The following TNRC6B variants were observed in gnomAD, a reference collection of about 807,000 sequenced individuals.
TNRC6B encodes trinucleotide repeat-containing gene 6B protein.
A neutral mutation model predicts 203.6 loss-of-function variants in TNRC6B; 52 were observed. The ratio of observed to expected loss-of-function variants is 0.26; its 90% CI spans 0.20 to 0.32. TNRC6B has a LOEUF of 0.32. TNRC6B is among the 10% of genes least tolerant of loss of function. The pLI is 1.00. For synonymous variants in TNRC6B, 838 were observed against 845.7 expected (o/e 0.99, Z 0.16); for missense variants, 1,923 against 2,286.2 (o/e 0.84, Z 3.24).
intron 15 of TNRC6B, 94 bp from the exon 16 acceptor site, chr22:40,308,418 C>T (rs1228016574): frequency 1.4e-6 from 2 of 1,423,024 alleles, no homozygotes; most frequent in Non-Finnish European, 2.0e-6. Flanking sequence ...GTGAATTAGT[C>T]TTTGAATGAC....
At chr22:40,282,489 G>T (rs2070731357) in intron 11 of TNRC6B, among the ~76,000 whole-genome samples, 1 of 152,082 alleles carries the variant, frequency 6.6e-6, no homozygotes, top group South Asian at 2.1e-4. Flanking sequence ...TGTTTTGGGG[G>T]TTCTTTTATT....
At chr22:40,107,501 A>C (rs1256436498) in intron 1 of TNRC6B, among the ~76,000 whole-genome samples, 1 of 152,170 alleles carries the variant, frequency 6.6e-6, no homozygotes, top group African/African-American at 2.4e-5. Flanking sequence ...CTTAATGAAT[A>C]TGTTTACTAA....
At chr22:40,152,954 T>C (rs1268415132) in intron 3 of TNRC6B, among the ~76,000 whole-genome samples, 1 of 151,656 alleles carries the variant, frequency 6.6e-6, no homozygotes, top group Admixed American at 6.6e-5. Context: ...TACAAAAAAT[T>C]AGCCAGGTGT....
chr22:40,246,773 C>T (rs966045788), intron 2 of TNRC6B, among the ~76,000 whole-genome samples: 4 of 152,094 alleles, frequency 2.6e-5, no homozygotes, highest in Non-Finnish European at 4.4e-5. Context: ...AGGTTTGCCC[C>T]GGTGTTCTTT....
At chr22:40,141,162 G>GGA (rs993004335) in intron 3 of TNRC6B, among the ~76,000 whole-genome samples, 1 of 147,488 alleles carries the variant, frequency 6.8e-6, no homozygotes, top group Admixed American at 6.8e-5. Context: ...TGAGCACAGT[G>GGA]GAGTTAACTT....
intron 21 of TNRC6B, among the ~76,000 whole-genome samples, chr22:40,318,371 C>T (rs1477014824): frequency 6.6e-6 from 1 of 151,962 alleles, no homozygotes. Flanking sequence ...CATGGTGAAA[C>T]CCCATCTTTA....
At chr22:40,196,305 T>A (rs1056956724) in intron 1 of TNRC6B, among the ~76,000 whole-genome samples, 9 of 150,578 alleles carry the variant, frequency 6.0e-5, no homozygotes, top group African/African-American at 2.2e-4. Context: ...TCCACCACCA[T>A]GCCTGGCTAA....
intron 7 of TNRC6B, among the ~76,000 whole-genome samples, chr22:40,275,645 G>A (rs950605920): frequency 2.0e-5 from 3 of 152,018 alleles, no homozygotes; most frequent in African/African-American, 4.8e-5. Flanking sequence ...CCTCCCTCTA[G>A]TGAGGGCTTT....
In TNRC6B at chr22:40,270,245, A is replaced by G. The variant is rs2070541453; in HGVS notation, c.2930A>G (p.Asn977Ser). The G allele has an allele frequency of 2.0e-6, 3 of 1,494,572 alleles. No homozygotes were observed. The highest frequency in any genetic ancestry group is 2.7e-6 in the Non-Finnish European group (3 of 1,115,706). The allele number at this position is 1,494,572 out of a possible 1,614,324, so 92.6% of individuals were successfully genotyped here. The change falls in exon 6 of 23, where the codon AAC becomes AGC. Residue 977 changes from asparagine (N) to serine (S), a missense_variant. Physicochemically the swap from Asn to Ser is conservative, Grantham distance 46. Around this residue, in one of 8 missense-constraint regions of TNRC6B, gnomAD observed 599 missense variants for 656.5 expected, o/e 0.91. Transcript: ENST00000454349. ...DTGASTTGWG[N>S]TPANAPNAMK... ...GGAGCATCGACCACAGGCTGGGGGA[A>G]CACGCCCGCCAACGCTCCCAATGCC...
At position 40,106,953 on chromosome 22, in the gene TNRC6B, C is replaced by T. The variant is rs933594292; in HGVS notation, c.-120-10102C>T. 3.4e-6 allele frequency: 4 copies of T among 1,180,268 alleles called. No individual in the cohort carries two copies. In the African/African-American group the frequency reaches 4.5e-5, roughly 13 times the overall value. The allele number at this position is 1,180,268 out of a possible 1,614,324, so 73.1% of individuals were successfully genotyped here. A position where few individuals can be genotyped will look rare whatever the true frequency, so the allele number is the denominator to read the frequency against. On this transcript the variant is annotated intron_variant, in intron 1 of 23. Transcript: ENST00000301923. ...CTTGCCCTTTGAAGCATCTTTTGGGCAAACTTCTTTCTCAGGCGCTTGATC... is the reference window on the plus strand; with the variant it reads ...CTTGCCCTTTGAAGCATCTTTTGGGTAAACTTCTTTCTCAGGCGCTTGATC...
intron 1 of TNRC6B, among the ~76,000 whole-genome samples, chr22:40,061,737 A>G (rs1601791805): frequency 6.6e-6 from 1 of 152,004 alleles, no homozygotes; most frequent in East Asian, 1.9e-4. Context: ...TTTACATACC[A>G]CAATCTATCT....
intron 1 of TNRC6B, among the ~76,000 whole-genome samples, chr22:40,074,612 A>G (rs1259747811): frequency 1.3e-5 from 2 of 152,012 alleles, no homozygotes; most frequent in Non-Finnish European, 2.9e-5. Flanking sequence ...CCCCGTCTCT[A>G]CTAAAAATAC....
chr22:40,305,660 C>CT (rs1395107433), intron 15 of TNRC6B, among the ~76,000 whole-genome samples: 1 of 152,096 alleles, frequency 6.6e-6, no homozygotes, highest in Non-Finnish European at 1.5e-5. Flanking sequence ...TAGATTGAAC[C>CT]TTTCAAGGCA....
intron 3 of TNRC6B, among the ~76,000 whole-genome samples, chr22:40,136,371 TTGTGTGTGTGTG>T (rs56246561): frequency 7.1e-6 from 1 of 141,116 alleles, no homozygotes; most frequent in East Asian, 2.0e-4. Context: ...TATGTTTATC[TTGTGTGTGTGTG>T]TGTGTGTGTG....
chr22:40,046,114 A>G (rs576280594), intron 1 of TNRC6B, among the ~76,000 whole-genome samples: 1 of 152,354 alleles, frequency 6.6e-6, no homozygotes, highest in African/African-American at 2.4e-5. Flanking sequence ...AAGTGTGTAG[A>G]AATGATAGAC....
At chr22:40,222,269 C>T (rs1273803844) in intron 1 of TNRC6B, among the ~76,000 whole-genome samples, 1 of 152,286 alleles carries the variant, frequency 6.6e-6, no homozygotes, top group South Asian at 2.1e-4. Context: ...GTCGCCTCTG[C>T]GTACCGCTCT....
At chr22:40,283,061 G>A (rs1255411276) in intron 11 of TNRC6B, among the ~76,000 whole-genome samples, 1 of 151,766 alleles carries the variant, frequency 6.6e-6, no homozygotes, top group Non-Finnish European at 1.5e-5. Context: ...TTGAGATGGA[G>A]TCTTGCCTCT....
At chr22:40,314,192 CA>C (rs1485770497) in intron 19 of TNRC6B, among the ~76,000 whole-genome samples, 2 of 152,186 alleles carry the variant, frequency 1.3e-5, no homozygotes, top group Non-Finnish European at 2.9e-5. Context: ...TCCCCACCCC[CA>C]AAAGTGTCTT....
intron 12 of TNRC6B, among the ~76,000 whole-genome samples, chr22:40,290,326 A>G (rs1482424496): frequency 6.6e-6 from 1 of 152,206 alleles, no homozygotes; most frequent in Non-Finnish European, 1.5e-5. Context: ...AGTTCTGCAC[A>G]GCACTGTGCT....
Sources: allele counts gnomAD v4.1 joint callset (sites outside exome capture counted in the v4.1 genomes callset), GRCh38; gene constraint gnomAD v4.1.1; regional missense constraint gnomAD v4.1.1; transcripts MANE v1.5; gene names NCBI Gene and HGNC (gene_info 2026-07-23, HGNC 2026-07-21).